Variants in TMEM135 observed in about 807,000 individuals in gnomAD.
TMEM135 encodes peroxisomal membrane protein 52.
A neutral mutation model predicts 60.3 loss-of-function variants in TMEM135; 30 were observed. That is an observed-to-expected ratio of 0.50 (90% CI 0.37 to 0.68). TMEM135 has a LOEUF of 0.68. TMEM135 is among the 30% of genes least tolerant of loss of function. The pLI, the probability that TMEM135 is intolerant of heterozygous loss-of-function variation, is 0.00. For synonymous variants in TMEM135, 190 were observed against 186.7 expected, an observed-to-expected ratio of 1.02 and a Z score of -0.14; for missense variants, 468 against 548.8, an observed-to-expected ratio of 0.85 and a Z score of 1.47.
intron 8 of TMEM135, among the ~76,000 whole-genome samples, chr11:87,304,159 C>T (rs1942494435): frequency 6.6e-6 from 1 of 152,044 alleles, no homozygotes; most frequent in African/African-American, 2.4e-5. Flanking sequence ...TCACTTGAGG[C>T]CAGGAGTTTG....
chr11:87,291,813 G>C (rs1591174070), intron 6 of TMEM135, among the ~76,000 whole-genome samples: 1 of 151,998 alleles, frequency 6.6e-6, no homozygotes, highest in Non-Finnish European at 1.5e-5. Context: ...AAAGTGCTGG[G>C]ATTACAGGCG....
chr11:87,295,588 G>A (rs1942333992), intron 6 of TMEM135, among the ~76,000 whole-genome samples, 194 bp from the exon 7 acceptor site: 1 of 152,130 alleles, frequency 6.6e-6, no homozygotes, highest in South Asian at 2.1e-4. Flanking sequence ...TGTGACATAG[G>A]AAGGCATTAT....
chr11:87,078,063 G>T (rs1856910669), intron 3 of TMEM135, among the ~76,000 whole-genome samples: 1 of 152,094 alleles, frequency 6.6e-6, no homozygotes, highest in Admixed American at 6.6e-5. Context: ...ATTTTTGTGT[G>T]GACATATGTT....
At chr11:87,254,557 A>G (rs1941484023) in intron 6 of TMEM135, among the ~76,000 whole-genome samples, 1 of 152,234 alleles carries the variant, frequency 6.6e-6, no homozygotes, top group Admixed American at 6.5e-5. Context: ...AACATTATTT[A>G]TGTTTCCAAG....
At chr11:87,054,929 T>C (rs1450078577) in intron 1 of TMEM135, among the ~76,000 whole-genome samples, 1 of 152,206 alleles carries the variant, frequency 6.6e-6, no homozygotes, top group Non-Finnish European at 1.5e-5. Flanking sequence ...TGAATCTTCA[T>C]TTCCTTTCAC....
chr11:87,260,731 G>GTT (rs11436074), intron 6 of TMEM135, among the ~76,000 whole-genome samples: 1,702 of 150,112 alleles, frequency 0.011, 22 homozygotes, highest in African/African-American at 0.034. Context: ...AAAAAGAAAG[G>GTT]TTTTTTTTTT....
At chr11:87,089,566 A>T (rs1467425500) in intron 3 of TMEM135, among the ~76,000 whole-genome samples, 1 of 152,146 alleles carries the variant, frequency 6.6e-6, no homozygotes, top group African/African-American at 2.4e-5. Context: ...AAAAGAAAAA[A>T]AAATTGTCAG....
At chr11:87,112,368 A>G (rs1380054365) in intron 4 of TMEM135, among the ~76,000 whole-genome samples, 1 of 140,206 alleles carries the variant, frequency 7.1e-6, no homozygotes, top group Non-Finnish European at 1.5e-5. Context: ...GCCCTAAAAA[A>G]TCGCTCACTG....
chr11:87,126,314 T>G (rs1273270559), intron 4 of TMEM135, among the ~76,000 whole-genome samples: 1 of 152,148 alleles, frequency 6.6e-6, no homozygotes, highest in African/African-American at 2.4e-5. Flanking sequence ...ATTATGCCTG[T>G]GTGCATAAAT....
chr11:87,328,251 C>G lies in TMEM135; in HGVS notation c.*6918C>G. On this transcript the variant is annotated 3_prime_UTR_variant, in exon 15 of 15. Coordinates refer to ENST00000305494, the MANE Select transcript of TMEM135 (RefSeq NM_022918.4). ...ATTTAGAATTCTCTTTTTCTCCACT[C>G]TTCTGTGTATGCTAAAATACTGTCA... The G allele has an allele frequency of 2.2e-6, 1 of 454,072 alleles. No individual in the cohort carries two copies. Among genetic ancestry groups the G allele is most frequent in the Non-Finnish European group, 4.4e-6 (1 of 226,782 alleles). The allele number at this position is 454,072 out of a possible 1,614,324, so 28.1% of individuals were successfully genotyped here.
chr11:87,139,645 G>GTT lies in TMEM135; in HGVS notation c.397-17695_397-17694insTT. On this transcript the variant is annotated intron_variant, in intron 4 of 14. Coordinates refer to ENST00000305494, the MANE Select transcript of TMEM135 (RefSeq NM_022918.4). Reference sequence around the variant, plus strand: ...TGACAAATTGTTTTCCAAACTGACTGTACCATTTTGCCTTCCCGCCAGCAA... The same window carrying GTT: ...TGACAAATTGTTTTCCAAACTGACTGTTTACCATTTTGCCTTCCCGCCAGCAA... 2.0e-5 allele frequency among the ~76,000 whole-genome samples: 3 copies of GTT among 152,258 alleles called. No homozygotes were observed. The East Asian group carries it at 5.8e-4, about 29-fold the overall frequency.
In TMEM135 at chr11:87,323,316, T is replaced by C. The variant is rs1347037027; in HGVS notation, c.*1983T>C. 2.2e-6 allele frequency: 1 copy of C among 453,910 alleles called. No individual in the cohort carries two copies. The highest frequency in any genetic ancestry group is 4.4e-6 in the Non-Finnish European group (1 of 226,726). 28.1% of individuals were successfully genotyped at this position (453,910 alleles called of 1,614,324 possible). ...CAGAATACAATGATGAATGTATAGG[T>C]TGAGTGAATAACCAATTTGCAGTGG... is the stretch of plus-strand genomic sequence containing the variant. On this transcript the variant is annotated 3_prime_UTR_variant, in exon 15 of 15. Transcript: ENST00000305494.
At chr11:87,086,383 G>C (rs1026196075) in intron 3 of TMEM135, among the ~76,000 whole-genome samples, 1 of 152,148 alleles carries the variant, frequency 6.6e-6, no homozygotes, top group African/African-American at 2.4e-5. Context: ...GCCCGCCTGT[G>C]TTATGGCTTG....
chr11:87,124,948 G>A (rs1400782768), intron 4 of TMEM135, among the ~76,000 whole-genome samples: 1 of 151,688 alleles, frequency 6.6e-6, no homozygotes, highest in African/African-American at 2.4e-5. Flanking sequence ...TACTAATTTT[G>A]TTTCCTTGCT....
chr11:87,067,596 C>T (rs2135136831), intron 1 of TMEM135, 98 bp from the exon 2 acceptor site: 1 of 1,510,948 alleles, frequency 6.6e-7, no homozygotes, highest in South Asian at 1.2e-5. Context: ...TTTACTTTAA[C>T]TTATAAATAT....
Position 87,327,335 on chromosome 11 carries a change from G to T in TMEM135, c.*6002G>T. On this transcript the variant is annotated 3_prime_UTR_variant, in exon 15 of 15. Coordinates refer to ENST00000305494, the MANE Select transcript of TMEM135 (RefSeq NM_022918.4). Reference sequence around the variant, plus strand: ...CAATCTTGCAGACATGAAATGAAAAGTACAAACATGAAAAACCAGCATATT... The same window carrying T: ...CAATCTTGCAGACATGAAATGAAAATTACAAACATGAAAAACCAGCATATT... 2 of 453,860 alleles carry T rather than the reference G, an allele frequency of 4.4e-6. No individual in the cohort carries two copies. The highest frequency in any genetic ancestry group is 3.1e-5 in the South Asian group (2 of 64,462). The allele number at this position is 453,860 out of a possible 1,614,324, so 28.1% of individuals were successfully genotyped here.
At chr11:87,182,825 T>C (rs528442098) in intron 5 of TMEM135, among the ~76,000 whole-genome samples, 1 of 152,256 alleles carries the variant, frequency 6.6e-6, no homozygotes, top group Non-Finnish European at 1.5e-5. Flanking sequence ...AATTTTTCTC[T>C]TGAATATTTA....
chr11:87,156,992 A>G (rs556645913), intron 4 of TMEM135, among the ~76,000 whole-genome samples: 40 of 152,194 alleles, frequency 2.6e-4, no homozygotes, highest in Non-Finnish European at 5.3e-4. Context: ...TCTGGGGTAC[A>G]ATTTATAACT....
intron 5 of TMEM135, among the ~76,000 whole-genome samples, chr11:87,176,936 T>C (rs1377717273): frequency 6.6e-6 from 1 of 152,230 alleles, no homozygotes; most frequent in Non-Finnish European, 1.5e-5. Flanking sequence ...TTTCTTTTCT[T>C]ATTGTTTAAA....
Sources: gnomAD v4.1 joint callset for allele counts (sites outside exome capture counted in the v4.1 genomes callset) on GRCh38, gnomAD v4.1.1 for gene constraint, MANE v1.5 for transcripts, NCBI Gene and HGNC (gene_info 2026-07-23, HGNC 2026-07-21) for gene names.